Variants in TTC23 observed in about 807,000 individuals in gnomAD.
TTC23 encodes tetratricopeptide repeat protein 23.
Under a neutral mutation model 55.1 loss-of-function variants are expected in TTC23, and 58 were observed. The observed-to-expected ratio is 1.05, with a 90% CI of 0.85 to 1.31. The LOEUF (loss-of-function observed/expected upper bound fraction) is 1.31, where lower values mean the gene tolerates loss of function less well. TTC23 is among the 50% of genes most tolerant of loss of function. TTC23 has a pLI of 0.00. For synonymous variants in TTC23, 203 were observed against 199.9 expected (o/e 1.02, Z -0.13); for missense variants, 516 against 534.4 (o/e 0.97, Z 0.34).
intron 12 of TTC23, among the ~76,000 whole-genome samples, chr15:99,145,943 C>T (rs1251354956): frequency 2.6e-5 from 4 of 152,170 alleles, no homozygotes; most frequent in South Asian, 2.1e-4. Context: ...TCAGAAAGCT[C>T]GCCCTGAGTA....
intron 9 of TTC23, among the ~76,000 whole-genome samples, chr15:99,195,713 T>A (rs1334134480): frequency 1.3e-5 from 2 of 152,126 alleles, no homozygotes; most frequent in Non-Finnish European, 2.9e-5. Flanking sequence ...TGAACCTGAA[T>A]GTCAACTATG....
Position 99,138,064 on chromosome 15 carries a change from G to C in TTC23, c.1290C>G (p.Ser430Arg), listed in dbSNP as rs782382653. 1 of 1,613,904 alleles carries C rather than the reference G, an allele frequency of 6.2e-7. No homozygotes were observed. Among genetic ancestry groups the C allele is most frequent in the South Asian group, 1.1e-5 (1 of 91,066 alleles). The change falls in exon 14 of 14, where the codon AGC (serine) becomes AGG (arginine). Residue 430 changes from serine to arginine, a missense_variant. Physicochemically the swap from Ser to Arg is moderately radical, Grantham distance 110 (BLOSUM62 -1). Transcript: ENST00000394132. Reference protein sequence around the residue: ...ASKAKVAFCTSIPQDTLLGKA... With the variant: ...ASKAKVAFCTRIPQDTLLGKA... ...TCCCCAGCAGGGTGTCCTGAGGGAT[G>C]CTGGTGCAGAAGGCCACTTTGGCTT...
intron 12 of TTC23, among the ~76,000 whole-genome samples, chr15:99,145,944 G>A (rs967786335): frequency 7.2e-5 from 11 of 152,144 alleles, no homozygotes; most frequent in Non-Finnish European, 1.6e-4. Context: ...CAGAAAGCTC[G>A]CCCTGAGTAT....
chr15:99,236,895 T>G (rs538812766), intron 3 of TTC23, among the ~76,000 whole-genome samples: 2 of 152,348 alleles, frequency 1.3e-5, no homozygotes, highest in African/African-American at 2.4e-5. Context: ...TTTTTTATTT[T>G]GTTGCCTTGG....
In TTC23 at chr15:99,228,867, T is replaced by C. The variant is rs976416507; in HGVS notation, c.-20-135A>G. On this transcript the variant is annotated intron_variant, in intron 4 of 13. Transcript: ENST00000394132. ...TATCCCAAAAGATTATGGTGGCTAC[T>C]ACTGACCTGCTGATTTCTACTTTCA... 1.5e-5 allele frequency: 10 copies of C among 681,634 alleles called. No homozygotes were observed. In the African/African-American group the frequency reaches 1.6e-4, roughly 11 times the overall value. 42.2% of individuals were successfully genotyped at this position (681,634 alleles called of 1,614,324 possible). A position where few individuals can be genotyped will look rare whatever the true frequency, so the allele number is the denominator to read the frequency against.
At chr15:99,187,460 A>AAAAAAAAAG (rs2074795740) in intron 9 of TTC23, among the ~76,000 whole-genome samples, 1 of 142,926 alleles carries the variant, frequency 7.0e-6, no homozygotes. Context: ...AGCAAAAAAA[A>AAAAAAAAAG]AAAAAAAACA....
intron 9 of TTC23, among the ~76,000 whole-genome samples, chr15:99,189,965 C>T (rs1230637891): frequency 3.9e-5 from 6 of 151,958 alleles, no homozygotes; most frequent in Non-Finnish European, 5.9e-5. Flanking sequence ...TTGCTTGAGC[C>T]CAAGAGTTTG....
intron 5 of TTC23, among the ~76,000 whole-genome samples, chr15:99,222,371 G>C (rs902068396): frequency 6.6e-6 from 1 of 152,072 alleles, no homozygotes; most frequent in African/African-American, 2.4e-5. Context: ...ACCTCCAGGG[G>C]GCTCGAGCAA....
intron 5 of TTC23, among the ~76,000 whole-genome samples, chr15:99,226,673 G>T (rs568697132): frequency 6.6e-6 from 1 of 151,996 alleles, no homozygotes; most frequent in Non-Finnish European, 1.5e-5. Flanking sequence ...TCCTGCTTGT[G>T]CCTACCCTGT....
At chr15:99,179,457 G>A (rs902344960) in intron 9 of TTC23, among the ~76,000 whole-genome samples, 1 of 152,220 alleles carries the variant, frequency 6.6e-6, no homozygotes, top group East Asian at 1.9e-4. Context: ...CATTAATTGA[G>A]ATGGTAAAAA....
intron 13 of TTC23, among the ~76,000 whole-genome samples, chr15:99,138,872 G>A (rs782277315): frequency 6.6e-6 from 1 of 152,236 alleles, no homozygotes; most frequent in Non-Finnish European, 1.5e-5. Flanking sequence ...TGTGAGGTAG[G>A]CCCTCCACGG....
At chr15:99,156,324 G>A in intron 11 of TTC23, 27 bp from the exon 12 acceptor site, 1 of 1,611,180 alleles carries the variant, frequency 6.2e-7, no homozygotes, top group Non-Finnish European at 8.5e-7. Flanking sequence ...AAGCTATCTG[G>A]TTAACAAGCT....
intron 8 of TTC23, among the ~76,000 whole-genome samples, chr15:99,204,787 C>T (rs375105138): frequency 1.3e-4 from 20 of 151,800 alleles, no homozygotes; most frequent in African/African-American, 4.6e-4. Context: ...AGGTGCACAC[C>T]ACCACACACC....
chr15:99,204,632 G>GTTTTTTTTTTTTTTTTTTTTTTTTTTT lies in TTC23; in HGVS notation c.582-4537_582-4536insAAAAAAAAAAAAAAAAAAAAAAAAAAA, dbSNP rs56890685. The stretch of plus-strand genomic sequence containing the variant: ...TCAGAGTTTCAGTCTTAGATTTAAG[G>GTTTTTTTTTTTTTTTTTTTTTTTTTTT]TTTTTTTTTTTTTTTTTTTTTTTAG... On this transcript the variant is annotated intron_variant, in intron 8 of 13. Transcript: ENST00000394132. Among the ~76,000 whole-genome samples, 3 of 60,892 alleles carry GTTTTTTTTTTTTTTTTTTTTTTTTTTT rather than the reference G, an allele frequency of 4.9e-5. 1 individual carries two copies. Among genetic ancestry groups the GTTTTTTTTTTTTTTTTTTTTTTTTTTT allele is most frequent in the Non-Finnish European group, 8.5e-5 (3 of 35,218 alleles). 39.9% of individuals were successfully genotyped at this position (60,892 alleles called of 152,430 possible).
intron 4 of TTC23, among the ~76,000 whole-genome samples, chr15:99,230,858 A>C (rs1021024813): frequency 6.6e-6 from 1 of 152,246 alleles, no homozygotes; most frequent in Non-Finnish European, 1.5e-5. Context: ...GTCTTTCAGA[A>C]GGAAGGAAAA....
At chr15:99,207,515 T>G (rs535222116) in intron 8 of TTC23, among the ~76,000 whole-genome samples, 2 of 152,320 alleles carry the variant, frequency 1.3e-5, no homozygotes, top group South Asian at 2.1e-4. Flanking sequence ...TCCCAGCACT[T>G]TGGGGAGGCC....
intron 9 of TTC23, among the ~76,000 whole-genome samples, chr15:99,193,237 G>A (rs953479659): frequency 6.6e-6 from 1 of 152,166 alleles, no homozygotes; most frequent in Non-Finnish European, 1.5e-5. Flanking sequence ...GGCATGATTG[G>A]TTTTGAAATG....
At chr15:99,150,791 G>T (rs947764399) in intron 12 of TTC23, among the ~76,000 whole-genome samples, 3 of 152,218 alleles carry the variant, frequency 2.0e-5, no homozygotes, top group African/African-American at 7.2e-5. Context: ...CTTGCTTAAA[G>T]GATCAGGTCT....
chr15:99,169,493 C>T (rs867049487), intron 10 of TTC23, among the ~76,000 whole-genome samples: 13 of 152,132 alleles, frequency 8.5e-5, no homozygotes, highest in African/African-American at 3.1e-4. Flanking sequence ...TGTCAGGGGC[C>T]CACAAGACCT....
Sources: allele counts gnomAD v4.1 joint callset (sites outside exome capture counted in the v4.1 genomes callset), GRCh38; gene constraint gnomAD v4.1.1; transcripts MANE v1.5; gene names NCBI Gene and HGNC (gene_info 2026-07-23, HGNC 2026-07-21).